The following MLLT10 variants were observed in gnomAD, a reference collection of about 807,000 sequenced individuals.
MLLT10 encodes the protein protein AF-10.
MLLT10 carries 30 observed loss-of-function variants against 129.1 expected under a neutral mutation model. The ratio of observed to expected loss-of-function variants is 0.23; its 90% CI spans 0.17 to 0.32. The LOEUF (loss-of-function observed/expected upper bound fraction) is 0.32, where lower values mean the gene tolerates loss of function less well. Ranked by LOEUF, MLLT10 falls within the 10% of genes least tolerant of loss-of-function variation. MLLT10 has a pLI of 1.00. For missense variants in MLLT10, 1,119 were observed against 1,268.3 expected (o/e 0.88, Z 1.79); for synonymous variants, 490 against 446.4 (o/e 1.10, Z -1.23).
chr10:21,720,206 C>T (rs757228814), intron 14 of MLLT10, among the ~76,000 whole-genome samples: 1 of 152,186 alleles, frequency 6.6e-6, no homozygotes, highest in Non-Finnish European at 1.5e-5. Flanking sequence ...TGGCATTAGC[C>T]TAAACAATGG....
chr10:21,725,876 G>A lies in MLLT10; in HGVS notation c.1879-368G>A, dbSNP rs893615705. On this transcript the variant is annotated intron_variant, in intron 14 of 22. Coordinates refer to ENST00000307729, the MANE Select transcript of MLLT10 (RefSeq NM_001195626.3). ...CGCCATTCTCCTGCCTCAGCCTCCC[G>A]AGTAGCTGGGACTACAGGCGCCCGC... Among the ~76,000 whole-genome samples the A allele has an allele frequency of 3.3e-5, 5 of 149,938 alleles. No individual in the cohort carries two copies. In the East Asian group the frequency reaches 8.1e-4, roughly 24 times the overall value.
At chr10:21,661,771 A>C (rs1434858670) in intron 9 of MLLT10, 1 of 152,094 alleles carries the variant, frequency 6.6e-6, no homozygotes, top group Non-Finnish European at 1.5e-5. Flanking sequence ...ATGTCTTTAT[A>C]TTTAAAGTAG....
At chr10:21,629,372 A>G (rs1297118105) in intron 8 of MLLT10, among the ~76,000 whole-genome samples, 1 of 151,876 alleles carries the variant, frequency 6.6e-6, no homozygotes, top group African/African-American at 2.4e-5. Flanking sequence ...CATTTTAACC[A>G]CTTTGATGGC....
At chr10:21,635,096 T>A (rs1389257139) in intron 8 of MLLT10, among the ~76,000 whole-genome samples, 5 of 152,216 alleles carry the variant, frequency 3.3e-5, no homozygotes, top group Non-Finnish European at 7.3e-5. Context: ...CTTCTTACTG[T>A]GTACCCCATG....
intron 8 of MLLT10, among the ~76,000 whole-genome samples, chr10:21,626,959 G>A (rs1369024316): frequency 4.6e-5 from 7 of 152,136 alleles, no homozygotes. Context: ...GCTAAGAAGA[G>A]GCTAGTTTAT....
At chr10:21,618,082 A>G (rs1589254572) in intron 8 of MLLT10, among the ~76,000 whole-genome samples, 1 of 152,228 alleles carries the variant, frequency 6.6e-6, no homozygotes, top group Admixed American at 6.5e-5. Flanking sequence ...TCAAATGGAA[A>G]AGAATATTTT....
At position 21,740,243 on chromosome 10, in the gene MLLT10, A is replaced by G. The variant is rs1564761738; in HGVS notation, c.3162+7A>G. The G allele has an allele frequency of 3.1e-6, 5 of 1,612,486 alleles. No individual in the cohort carries two copies. The highest frequency in any genetic ancestry group is 4.2e-6 in the Non-Finnish European group (5 of 1,178,496). ...TGCAAGTCAGAAAGTAGCAGTAAGT[A>G]TATTTTCCTTACTACATCTAATGAA... On this transcript the variant is annotated splice_region_variant and intron_variant, in intron 22 of 22. Coordinates refer to ENST00000307729, the MANE Select transcript of MLLT10 (RefSeq NM_001195626.3).
chr10:21,714,280 GATTTTTAAAATTCCTTTTATA>G (rs892324375), intron 14 of MLLT10, among the ~76,000 whole-genome samples: 2 of 151,904 alleles, frequency 1.3e-5, no homozygotes, highest in Non-Finnish European at 2.9e-5. Flanking sequence ...GGACTCTTGT[GATTTTTAAAATTCCTTTTATA>G]ATTTTTAAAA....
intron 12 of MLLT10, among the ~76,000 whole-genome samples, 191 bp downstream of exon 12, chr10:21,681,567 A>G (rs989767995): frequency 2.6e-5 from 4 of 152,228 alleles, no homozygotes; most frequent in Non-Finnish European, 5.9e-5. Context: ...ATTACAGTCA[A>G]GTTGTGTACA....
chr10:21,624,487 A>G, intron 8 of MLLT10: 1 of 627,886 alleles, frequency 1.6e-6, no homozygotes, highest in East Asian at 2.9e-5. Context: ...ATGGCAGCAA[A>G]TTGCTACTTA....
intron 8 of MLLT10, among the ~76,000 whole-genome samples, chr10:21,633,349 A>G (rs1193249466): frequency 6.6e-6 from 1 of 152,244 alleles, no homozygotes; most frequent in African/African-American, 2.4e-5. Flanking sequence ...TAGAAGACTA[A>G]TGAAGTGCAA....
rs1213664899 is a variant in MLLT10, at chr10:21,621,389, C to T, written c.699+4182C>T. ...CCTCCCGAGTAGCTAGGATTATAGG[C>T]GCCCGCCAACACGCCCGGCTAATTT... On this transcript the variant is annotated intron_variant, in intron 8 of 22. Transcript: ENST00000307729. Among the ~76,000 whole-genome samples, 3 of 151,360 alleles carry T rather than the reference C, an allele frequency of 2.0e-5. No homozygotes were observed. The East Asian group carries it at 5.8e-4, about 29-fold the overall frequency.
chr10:21,712,877 C>T (rs1257492525), intron 13 of MLLT10, among the ~76,000 whole-genome samples: 1 of 152,228 alleles, frequency 6.6e-6, no homozygotes. Context: ...AAAGCCTCTC[C>T]TTCTCTATGC....
intron 5 of MLLT10, among the ~76,000 whole-genome samples, chr10:21,600,548 A>G (rs1252626509): frequency 6.6e-6 from 1 of 152,196 alleles, no homozygotes; most frequent in African/African-American, 2.4e-5. Flanking sequence ...AGATGATAAT[A>G]AGGCCCCTGA....
intron 9 of MLLT10, among the ~76,000 whole-genome samples, chr10:21,661,955 C>A (rs1000320677): frequency 1.1e-4 from 17 of 151,782 alleles, no homozygotes; most frequent in Non-Finnish European, 2.5e-4. Flanking sequence ...CTGTTTTTGT[C>A]ATTCACAGCT....
intron 6 of MLLT10, among the ~76,000 whole-genome samples, chr10:21,613,816 C>CA (rs1405449773): frequency 6.6e-6 from 1 of 151,758 alleles, no homozygotes; most frequent in Non-Finnish European, 1.5e-5. Flanking sequence ...GAGATGGGAG[C>CA]ATTGCTTGAG....
chr10:21,672,838 T>A (rs2051609828), intron 10 of MLLT10, among the ~76,000 whole-genome samples: 1 of 152,214 alleles, frequency 6.6e-6, no homozygotes, highest in Non-Finnish European at 1.5e-5. Context: ...TTAGAACTCA[T>A]AACCTAGGAA....
chr10:21,734,470 A>G (rs1382933029), intron 20 of MLLT10, among the ~76,000 whole-genome samples: 1 of 152,208 alleles, frequency 6.6e-6, no homozygotes, highest in Non-Finnish European at 1.5e-5. Flanking sequence ...TTAGTTTCCT[A>G]AAATTTATGT....
At position 21,713,592 on chromosome 10, in the gene MLLT10, C is replaced by T. The variant is rs117375039; in HGVS notation, c.1700-180C>T. 6.3e-4 allele frequency among the ~76,000 whole-genome samples: 96 copies of T among 152,300 alleles called. No homozygotes were observed. In the East Asian group the frequency reaches 0.013, roughly 21 times the overall value. On this transcript the variant is annotated intron_variant, in intron 13 of 22. Transcript: ENST00000307729. ...AAATGGTGTAGGTTCTTTTAGACAACTGCTTCATGAGAAGTCAGTGTTTAT... is the reference window on the plus strand; with the variant it reads ...AAATGGTGTAGGTTCTTTTAGACAATTGCTTCATGAGAAGTCAGTGTTTAT...
Sources: allele counts gnomAD v4.1 joint callset (sites outside exome capture counted in the v4.1 genomes callset), GRCh38; gene constraint gnomAD v4.1.1; transcripts MANE v1.5; gene names NCBI Gene and HGNC (gene_info 2026-07-23, HGNC 2026-07-21).